Variants in PCDH9 observed in about 807,000 individuals in gnomAD.
PCDH9 encodes the protein protocadherin 9.
PCDH9 carries 24 observed loss-of-function variants against 70.6 expected under a neutral mutation model. The ratio of observed to expected loss-of-function variants is 0.34; its 90% CI spans 0.25 to 0.48. PCDH9 has a LOEUF of 0.48. Ranked by LOEUF, PCDH9 falls within the 20% of genes least tolerant of loss-of-function variation. PCDH9 has a pLI of 0.99. For synonymous variants in PCDH9, 562 were observed against 558.5 expected (o/e 1.01, Z -0.09); for missense variants, 1,281 against 1,503.6 (o/e 0.85, Z 2.45).
At chr13:66,987,802 T>C (rs1173541462) in intron 2 of PCDH9, among the ~76,000 whole-genome samples, 6 of 152,086 alleles carry the variant, frequency 3.9e-5, no homozygotes, top group East Asian at 1.9e-4. Flanking sequence ...AAATGTCTTA[T>C]TTGAAAATGT....
chr13:66,846,231 G>C (rs2081207245), intron 3 of PCDH9, among the ~76,000 whole-genome samples: 5 of 150,820 alleles, frequency 3.3e-5, no homozygotes, highest in Admixed American at 1.3e-4. Flanking sequence ...AAAATGATTT[G>C]TAAAGAACTT....
intron 4 of PCDH9, among the ~76,000 whole-genome samples, chr13:66,556,242 A>G (rs1961734814): frequency 1.3e-5 from 2 of 151,952 alleles, no homozygotes; most frequent in Non-Finnish European, 2.9e-5. Flanking sequence ...TTGAGGATAT[A>G]TAAGCTAAAT....
At chr13:66,853,121 A>G (rs2081340359) in intron 3 of PCDH9, among the ~76,000 whole-genome samples, 2 of 151,716 alleles carry the variant, frequency 1.3e-5, no homozygotes, top group African/African-American at 4.8e-5. Context: ...TATTTTCTCC[A>G]GTATAGTACA....
intron 3 of PCDH9, among the ~76,000 whole-genome samples, chr13:66,894,163 T>C (rs145907100): frequency 1.1e-3 from 161 of 152,262 alleles, no homozygotes; most frequent in African/African-American, 3.7e-3. Flanking sequence ...AATTCCAAAA[T>C]TGAAGAAATA....
At chr13:66,479,917 G>A (rs2138505955) in intron 4 of PCDH9, among the ~76,000 whole-genome samples, 1 of 152,316 alleles carries the variant, frequency 6.6e-6, no homozygotes, top group Middle Eastern at 3.4e-3. Flanking sequence ...CCAGCCGGCA[G>A]TGGCAACCCG....
At chr13:67,003,164 T>C (rs2139824310) in intron 2 of PCDH9, among the ~76,000 whole-genome samples, 1 of 152,252 alleles carries the variant, frequency 6.6e-6, no homozygotes, top group South Asian at 2.1e-4. Flanking sequence ...TGTATACACA[T>C]ATACATACAC....
intron 4 of PCDH9, among the ~76,000 whole-genome samples, chr13:66,569,493 TA>T (rs2138737314): frequency 6.6e-6 from 1 of 152,308 alleles, no homozygotes; most frequent in South Asian, 2.1e-4. Context: ...ATATCATTAA[TA>T]TTTTTCAGTG....
intron 3 of PCDH9, among the ~76,000 whole-genome samples, chr13:66,681,151 C>A (rs887182229): frequency 6.6e-6 from 1 of 152,048 alleles, no homozygotes; most frequent in African/African-American, 2.4e-5. Context: ...AAACCTATCA[C>A]AATCACTTTA....
At chr13:66,496,362 A>T (rs181331076) in intron 4 of PCDH9, among the ~76,000 whole-genome samples, 17 of 152,270 alleles carry the variant, frequency 1.1e-4, no homozygotes, top group Admixed American at 8.5e-4. Flanking sequence ...ATCTCCAAGC[A>T]CATTTTCATG....
chr13:66,539,093 A>G (rs958460225), intron 4 of PCDH9, among the ~76,000 whole-genome samples: 8 of 152,102 alleles, frequency 5.3e-5, no homozygotes, highest in African/African-American at 1.9e-4. Context: ...ATATATTTAT[A>G]TATTGCAATA....
At position 67,226,735 on chromosome 13, in the gene PCDH9, C is replaced by A. The variant is rs115196172; in HGVS notation, c.1706G>T (p.Ser569Ile). 1.2e-6 allele frequency: 2 copies of A among 1,614,096 alleles called. No homozygotes were observed. The highest frequency in any genetic ancestry group is 1.3e-5 in the African/African-American group (1 of 75,006). Reference protein sequence around the residue: ...IVTVLDENDNSPKFTHNHFQF... With the variant: ...IVTVLDENDNIPKFTHNHFQF... ...AAAATGATTATGAGTAAACTTGGGGCTATTGTCATTCTCATCCAGAACAGT... is the reference window on the plus strand; with the variant it reads ...AAAATGATTATGAGTAAACTTGGGGATATTGTCATTCTCATCCAGAACAGT... Residue 569 changes from serine to isoleucine, a missense_variant, in exon 2 of 5, where the codon AGC becomes ATC. Around this residue, in one of 4 missense-constraint regions of PCDH9, gnomAD observed 798 missense variants for 1,003.1 expected, o/e 0.80. Coordinates refer to ENST00000377865, the MANE Select transcript of PCDH9 (RefSeq NM_203487.3). This position sits in a 1 kb window ranked among gnomAD's most constrained non-coding sequence, Gnocchi z 5.0.
chr13:66,736,614 G>A (rs1328688149), intron 3 of PCDH9, among the ~76,000 whole-genome samples: 1 of 152,126 alleles, frequency 6.6e-6, no homozygotes, highest in Admixed American at 6.5e-5. Context: ...AAAAAACAAA[G>A]TTTTCAGGGT....
At chr13:66,860,350 T>G (rs1040670131) in intron 3 of PCDH9, among the ~76,000 whole-genome samples, 4 of 148,300 alleles carry the variant, frequency 2.7e-5, no homozygotes, top group African/African-American at 2.5e-5. Flanking sequence ...AGGGGAGGGG[T>G]GGTGGAGGGG....
intron 3 of PCDH9, among the ~76,000 whole-genome samples, chr13:66,747,808 G>A (rs1026116555): frequency 6.6e-6 from 1 of 151,946 alleles, no homozygotes; most frequent in African/African-American, 2.4e-5. Context: ...ACATTATTAT[G>A]GAAGCCTTAA....
At chr13:66,628,100 A>G (rs1350090066) in intron 4 of PCDH9, among the ~76,000 whole-genome samples, 1 of 152,168 alleles carries the variant, frequency 6.6e-6, no homozygotes, top group African/African-American at 2.4e-5. Flanking sequence ...TATTGGTAAA[A>G]ATTATTTTCT....
intron 2 of PCDH9, among the ~76,000 whole-genome samples, chr13:66,930,297 T>A (rs2082786193): frequency 2.0e-5 from 3 of 152,182 alleles, no homozygotes; most frequent in Non-Finnish European, 4.4e-5. Flanking sequence ...CCTCTATTAT[T>A]CCTGTTATAA....
At chr13:66,894,049 T>C (rs1009221476) in intron 3 of PCDH9, among the ~76,000 whole-genome samples, 4 of 152,186 alleles carry the variant, frequency 2.6e-5, no homozygotes, top group African/African-American at 9.6e-5. Flanking sequence ...AAACTCGATG[T>C]CTGACCTGTG....
intron 4 of PCDH9, among the ~76,000 whole-genome samples, chr13:66,621,640 G>A (rs763412146): frequency 6.6e-6 from 1 of 152,198 alleles, no homozygotes; most frequent in Non-Finnish European, 1.5e-5. Flanking sequence ...CTGTTATACA[G>A]GATGATCTGT....
At chr13:66,896,878 G>C (rs1245700822) in intron 3 of PCDH9, among the ~76,000 whole-genome samples, 1 of 152,144 alleles carries the variant, frequency 6.6e-6, no homozygotes, top group Non-Finnish European at 1.5e-5. Flanking sequence ...CTTCACGCAG[G>C]CTGTATATTT....
Sources: gnomAD v4.1 joint callset for allele counts (sites outside exome capture counted in the v4.1 genomes callset) on GRCh38, gnomAD v4.1.1 for gene constraint, gnomAD v4.1.1 regional missense constraint, Gnocchi (gnomAD v3.1) non-coding constraint, MANE v1.5 for transcripts, NCBI Gene and HGNC (gene_info 2026-07-23, HGNC 2026-07-21) for gene names.